The following PNPT1 variants were observed in gnomAD, a reference collection of about 807,000 sequenced individuals.
The protein encoded by PNPT1 is polyribonucleotide nucleotidyltransferase 1, mitochondrial.
Under a neutral mutation model 119.5 loss-of-function variants are expected in PNPT1, and 53 were observed. That is an observed-to-expected ratio of 0.44 (90% CI 0.36 to 0.56). PNPT1 has a LOEUF of 0.56. Among genes scored for constraint, PNPT1 ranks in the 20% least tolerant of loss-of-function variants. PNPT1 has a pLI of 0.00. For synonymous variants in PNPT1, 357 were observed against 322.1 expected (o/e 1.11, Z -1.16); for missense variants, 948 against 938.5 (o/e 1.01, Z -0.13).
intron 26 of PNPT1, among the ~76,000 whole-genome samples, chr2:55,637,999 C>CA (rs890316221): frequency 0.032 from 2,828 of 87,962 alleles, 34 homozygotes; most frequent in Non-Finnish European, 0.04. Context: ...GAATCCGTCT[C>CA]AAAAAAAAAA....
chr2:55,637,757 G>A (rs1695719579), intron 26 of PNPT1, among the ~76,000 whole-genome samples, 158 bp from the exon 27 acceptor site: 1 of 152,150 alleles, frequency 6.6e-6, no homozygotes, highest in Non-Finnish European at 1.5e-5. Context: ...AGCACTTTGG[G>A]AGGCAGAAGC....
intron 5 of PNPT1, among the ~76,000 whole-genome samples, chr2:55,681,984 AT>A (rs1697262992): frequency 2.6e-5 from 4 of 152,172 alleles, no homozygotes; most frequent in Non-Finnish European, 5.9e-5. Context: ...TACTAAAAAA[AT>A]ACAAAAAATT....
chr2:55,662,846 G>A (rs1480282183), intron 13 of PNPT1, among the ~76,000 whole-genome samples: 3 of 151,628 alleles, frequency 2.0e-5, no homozygotes, highest in South Asian at 4.2e-4. Context: ...GGCTGATTCT[G>A]AGTTGATTAA....
chr2:55,668,222 ATCAGT>A (rs1696799974), intron 11 of PNPT1, among the ~76,000 whole-genome samples: 1 of 152,172 alleles, frequency 6.6e-6, no homozygotes, highest in Non-Finnish European at 1.5e-5. Flanking sequence ...GTGCTTTGAA[ATCAGT>A]TCCCTTTTCT....
intron 18 of PNPT1, among the ~76,000 whole-genome samples, chr2:55,650,646 C>T (rs1696148200): frequency 6.7e-6 from 1 of 149,666 alleles, no homozygotes; most frequent in Admixed American, 6.6e-5. Flanking sequence ...GGCCGCCCAT[C>T]GTCTGAGATG....
In PNPT1 at chr2:55,672,926, G is replaced by T; in HGVS notation, c.833C>A (p.Thr278Asn). 1.2e-6 allele frequency: 2 copies of T among 1,608,600 alleles called. No individual in the cohort carries two copies. Among genetic ancestry groups the T allele is most frequent in the Middle Eastern group, 1.7e-4 (1 of 5,970 alleles). The change falls in exon 9 of 28, where the codon ACC (threonine) becomes AAC (asparagine). Residue 278 changes from threonine (T) to asparagine (N), a missense_variant. Physicochemically the swap from Thr to Asn is moderately conservative, Grantham distance 65. Transcript: ENST00000447944. ...ATATTTCACAATCTCTGGCGAAGGG[G>T]TAAATAACTTCTGAGGTGTCCTCTT... ...VTKRTPQKLF[T>N]PSPEIVKYTH...
At chr2:55,668,026 C>G in intron 11 of PNPT1, 68 bp from the exon 12 acceptor site, 1 of 1,344,176 alleles carries the variant, frequency 7.4e-7, no homozygotes, top group Non-Finnish European at 1.0e-6. Flanking sequence ...CTCTAAAGTT[C>G]ATAGCATAAT....
At chr2:55,668,090 C>CA in intron 11 of PNPT1, 132 bp from the exon 12 acceptor site, 1 of 733,516 alleles carries the variant, frequency 1.4e-6, no homozygotes, top group Non-Finnish European at 2.2e-6. Context: ...GTTTAGTCCT[C>CA]AGGCAAACAA....
At chr2:55,676,838 G>C (rs1322880452) in intron 8 of PNPT1, among the ~76,000 whole-genome samples, 1 of 151,078 alleles carries the variant, frequency 6.6e-6, no homozygotes, top group East Asian at 1.9e-4. Context: ...CTCCAGCCTC[G>C]GCAACAGAGA....
intron 9 of PNPT1, among the ~76,000 whole-genome samples, chr2:55,672,535 T>C (rs1696946672): frequency 6.6e-6 from 1 of 152,246 alleles, no homozygotes; most frequent in African/African-American, 2.4e-5. Flanking sequence ...TTCTAAGCAC[T>C]GGGCATGTAA....
chr2:55,672,954 T>C lies in PNPT1; in HGVS notation c.805A>G (p.Thr269Ala), dbSNP rs756389591. 5 of 1,613,546 alleles carry C rather than the reference T, an allele frequency of 3.1e-6. No homozygotes were observed. The Admixed American group carries it at 8.3e-5, about 27-fold the overall frequency. The change falls in exon 9 of 28, where the codon ACC becomes GCC. Residue 269 changes from threonine to alanine, a missense_variant. Physicochemically the swap from Thr to Ala is moderately conservative, Grantham distance 58 (BLOSUM62 0). Coordinates refer to ENST00000447944, the MANE Select transcript of PNPT1 (RefSeq NM_033109.5). ...AATAACTTCTGAGGTGTCCTCTTGG[T>C]AACACCAGTTTCTTTTACCAACTGC... ...IQQLVKETGV[T>A]KRTPQKLFTP...
At chr2:55,687,517 T>C (rs1697450865) in intron 2 of PNPT1, 128 bp downstream of exon 2, 2 of 679,228 alleles carry the variant, frequency 2.9e-6, no homozygotes, top group South Asian at 4.3e-5. Context: ...GTAGAAATTA[T>C]CTTAGTAGTA....
chr2:55,661,250 G>A (rs990132024), intron 14 of PNPT1, among the ~76,000 whole-genome samples: 1 of 151,530 alleles, frequency 6.6e-6, no homozygotes, highest in African/African-American at 2.4e-5. Flanking sequence ...CCACCATCAC[G>A]CCCAGCTAAT....
At chr2:55,684,830 G>C (rs980359477) in intron 4 of PNPT1, 113 bp downstream of exon 4, 2 of 1,266,930 alleles carry the variant, frequency 1.6e-6, no homozygotes, top group Non-Finnish European at 2.0e-6. Context: ...ATCTTAGGTG[G>C]TGTTAATGCT....
At chr2:55,684,346 C>T (rs1697333103) in intron 4 of PNPT1, among the ~76,000 whole-genome samples, 1 of 152,120 alleles carries the variant, frequency 6.6e-6, no homozygotes, top group Admixed American at 6.6e-5. Flanking sequence ...AAAAATCAGC[C>T]AGGCATGGTG....
intron 26 of PNPT1, among the ~76,000 whole-genome samples, chr2:55,638,879 A>T (rs1695756659): frequency 6.6e-6 from 1 of 151,296 alleles, no homozygotes; most frequent in Non-Finnish European, 1.5e-5. Context: ...GGTTCAAGAG[A>T]TTCTCCTGCC....
intron 12 of PNPT1, among the ~76,000 whole-genome samples, chr2:55,667,377 G>A (rs918777755): frequency 6.6e-6 from 1 of 152,070 alleles, no homozygotes; most frequent in Admixed American, 6.5e-5. Flanking sequence ...GGCGGATCAC[G>A]AGGTCAGGAG....
chr2:55,658,030 G>A (rs995246690), intron 15 of PNPT1, among the ~76,000 whole-genome samples: 3 of 151,930 alleles, frequency 2.0e-5, no homozygotes, highest in African/African-American at 7.2e-5. Flanking sequence ...TTGAGCCCAG[G>A]AGTTTGAGAC....
At chr2:55,656,713 A>G (rs1696399064) in intron 15 of PNPT1, among the ~76,000 whole-genome samples, 1 of 152,240 alleles carries the variant, frequency 6.6e-6, no homozygotes, top group Non-Finnish European at 1.5e-5. Flanking sequence ...TACACATTGA[A>G]GAATCACAGA....
Sources: gnomAD v4.1 joint callset for allele counts (sites outside exome capture counted in the v4.1 genomes callset) on GRCh38, gnomAD v4.1.1 for gene constraint, MANE v1.5 for transcripts, NCBI Gene and HGNC (gene_info 2026-07-23, HGNC 2026-07-21) for gene names.